SNX29: variants seen among roughly 807,000 people sequenced by gnomAD.
SNX29 encodes sorting nexin-29.
A neutral mutation model predicts 102.1 loss-of-function variants in SNX29; 78 were observed. That is an observed-to-expected ratio of 0.76 (90% CI 0.64 to 0.92). The LOEUF (loss-of-function observed/expected upper bound fraction) is 0.92, where lower values mean the gene tolerates loss of function less well. SNX29 is among the 40% of genes least tolerant of loss of function. The pLI, the probability that SNX29 is intolerant of heterozygous loss-of-function variation, is 0.00. For synonymous variants in SNX29, 580 were observed against 414.5 expected, an observed-to-expected ratio of 1.40 and a Z score of -4.85; for missense variants, 1,280 against 1,061.7, an observed-to-expected ratio of 1.21 and a Z score of -2.86.
intron 18 of SNX29, among the ~76,000 whole-genome samples, chr16:12,436,310 C>G (rs1204514074): frequency 6.6e-6 from 1 of 152,132 alleles, no homozygotes; most frequent in Non-Finnish European, 1.5e-5. Context: ...CGTTTCTATT[C>G]GGAGAGAGGG....
chr16:12,484,715 A>G (rs977696182), intron 19 of SNX29, among the ~76,000 whole-genome samples: 38 of 152,110 alleles, frequency 2.5e-4, no homozygotes, highest in African/African-American at 8.7e-4. Context: ...GGCTCCTCCC[A>G]TTCACCAGAT....
chr16:12,518,595 G>T (rs561193254), intron 19 of SNX29, among the ~76,000 whole-genome samples: 1 of 152,168 alleles, frequency 6.6e-6, no homozygotes, highest in African/African-American at 2.4e-5. Flanking sequence ...TCCCTGCGAG[G>T]TTCCCTGAGC....
intron 20 of SNX29, among the ~76,000 whole-genome samples, chr16:12,558,048 T>G (rs2078481101): frequency 6.6e-6 from 1 of 152,160 alleles, no homozygotes; most frequent in Non-Finnish European, 1.5e-5. Flanking sequence ...TGGCCGGGAT[T>G]ACAACAGAGA....
intron 18 of SNX29, among the ~76,000 whole-genome samples, chr16:12,471,795 T>C (rs148965479): frequency 3.0e-4 from 45 of 152,398 alleles, no homozygotes; most frequent in African/African-American, 1.0e-3. Context: ...TATAGACCTT[T>C]ATAACCACTG....
At chr16:12,470,465 G>C (rs1282775381) in intron 18 of SNX29, among the ~76,000 whole-genome samples, 1 of 152,224 alleles carries the variant, frequency 6.6e-6, no homozygotes, top group Non-Finnish European at 1.5e-5. Flanking sequence ...GAACCTGGGG[G>C]CTTGCGTGGC....
In SNX29 at chr16:12,570,771, A is replaced by C. The variant is rs992827401; in HGVS notation, c.*2142A>C. 12 of 132,560 alleles carry C rather than the reference A, an allele frequency of 9.1e-5. No individual in the cohort carries two copies. The highest frequency in any genetic ancestry group is 8.8e-4 in the East Asian group (12 of 13,644). 8.2% of individuals were successfully genotyped at this position (132,560 alleles called of 1,614,324 possible). A position where few individuals can be genotyped will look rare whatever the true frequency, so the allele number is the denominator to read the frequency against. Reference sequence around the variant, plus strand: ...AAGCACCTTGGACATTCTGCACATGATAATAATGCAACAGTCCCCCATTGC... The same window carrying C: ...AAGCACCTTGGACATTCTGCACATGCTAATAATGCAACAGTCCCCCATTGC... On this transcript the variant is annotated 3_prime_UTR_variant, in exon 21 of 21. Transcript: ENST00000566228.
intron 20 of SNX29, among the ~76,000 whole-genome samples, chr16:12,540,912 C>T (rs900796064): frequency 6.6e-6 from 1 of 152,164 alleles, no homozygotes; most frequent in African/African-American, 2.4e-5. Context: ...TCTGACAGCC[C>T]TGTCTGTTCA....
intron 20 of SNX29, chr16:12,560,897 T>C (rs1156750081): frequency 5.2e-6 from 1 of 193,366 alleles, no homozygotes; most frequent in Non-Finnish European, 1.1e-5. Context: ...AAGCAGTGGC[T>C]TTTTTAATCC....
intron 15 of SNX29, among the ~76,000 whole-genome samples, chr16:12,310,119 C>T (rs111761786): frequency 1.3e-5 from 2 of 151,742 alleles, no homozygotes; most frequent in East Asian, 2.0e-4. Context: ...TACACGTGCA[C>T]GCACACATGC....
intron 18 of SNX29, among the ~76,000 whole-genome samples, chr16:12,413,584 C>T (rs796142285): frequency 2.1e-5 from 1 of 46,832 alleles, no homozygotes; most frequent in Non-Finnish European, 8.4e-5. Flanking sequence ...ACAGGGCCCT[C>T]GAGACAATGG....
At chr16:12,015,812 GGC>G (rs1465622584) in intron 3 of SNX29, among the ~76,000 whole-genome samples, 1 of 151,936 alleles carries the variant, frequency 6.6e-6, no homozygotes, top group Non-Finnish European at 1.5e-5. Context: ...TAGGATTACA[GGC>G]GCCTGAGCCA....
intron 18 of SNX29, among the ~76,000 whole-genome samples, chr16:12,419,570 C>CG (rs1491309986): frequency 6.6e-6 from 1 of 151,696 alleles, no homozygotes; most frequent in African/African-American, 2.4e-5. Flanking sequence ...CAGCCCCCCC[C>CG]CCCATCTTTC....
At chr16:12,254,540 C>G (rs2078512534) in intron 14 of SNX29, among the ~76,000 whole-genome samples, 1 of 151,870 alleles carries the variant, frequency 6.6e-6, no homozygotes, top group African/African-American at 2.4e-5. Context: ...ACTCGGGAGG[C>G]TAAGGCAGGA....
At chr16:12,550,543 A>G (rs902115252) in intron 20 of SNX29, among the ~76,000 whole-genome samples, 1 of 152,082 alleles carries the variant, frequency 6.6e-6, no homozygotes, top group African/African-American at 2.4e-5. Flanking sequence ...AAAAAAAAAA[A>G]AAAACCAAAC....
At chr16:12,537,582 A>T (rs1567670653) in intron 20 of SNX29, among the ~76,000 whole-genome samples, 2 of 152,078 alleles carry the variant, frequency 1.3e-5, no homozygotes, top group East Asian at 1.9e-4. Context: ...CTTTGTTTTT[A>T]CTTCTTTGTT....
chr16:12,570,165 CA>C lies in SNX29; in HGVS notation c.*1537del. 2.8e-6 allele frequency: 3 copies of C among 1,065,432 alleles called. No individual in the cohort carries two copies. The highest frequency in any genetic ancestry group is 3.4e-6 in the Non-Finnish European group (3 of 879,218). 66.0% of individuals were successfully genotyped at this position (1,065,432 alleles called of 1,614,324 possible). On this transcript the variant is annotated 3_prime_UTR_variant, in exon 21 of 21. Transcript: ENST00000566228. ...AGATCACTCACACACAGCGCCCCCC[CA>C]CCCCAGAGAAACCGAGTCAGCCTAC...
At chr16:12,245,668 A>C (rs2078239513) in intron 14 of SNX29, among the ~76,000 whole-genome samples, 1 of 152,144 alleles carries the variant, frequency 6.6e-6, no homozygotes, top group African/African-American at 2.4e-5. Context: ...CCTGGTTTAT[A>C]GAACTAGTCA....
chr16:12,385,337 C>T (rs2083305725), intron 16 of SNX29, among the ~76,000 whole-genome samples: 1 of 152,202 alleles, frequency 6.6e-6, no homozygotes, highest in Admixed American at 6.5e-5. Flanking sequence ...AGGGATGTTG[C>T]CTGCAGCAGG....
chr16:12,264,782 G>A (rs769943096), intron 14 of SNX29, among the ~76,000 whole-genome samples: 296 of 150,204 alleles, frequency 2.0e-3, no homozygotes, highest in Non-Finnish European at 3.6e-3. Context: ...AAAAAAAAAA[G>A]CTTCACAGGT....
Sources: gnomAD v4.1 joint callset for allele counts (sites outside exome capture counted in the v4.1 genomes callset) on GRCh38, gnomAD v4.1.1 for gene constraint, MANE v1.5 for transcripts, NCBI Gene and HGNC (gene_info 2026-07-23, HGNC 2026-07-21) for gene names.